GRIA2: variants seen among roughly 807,000 people sequenced by gnomAD.
GRIA2 encodes glutamate receptor 2.
In GRIA2, 14 loss-of-function variants were observed where a neutral mutation model predicts 97.3. The ratio of observed to expected loss-of-function variants is 0.14; its 90% CI spans 0.10 to 0.23. GRIA2 has a LOEUF of 0.23. Among genes scored for constraint, GRIA2 ranks in the 10% least tolerant of loss-of-function variants. The pLI is 1.00. For missense variants in GRIA2, 558 were observed against 1,069.8 expected, an observed-to-expected ratio of 0.52 and a Z score of 6.67; for synonymous variants, 412 against 387.8, an observed-to-expected ratio of 1.06 and a Z score of -0.73.
At chr4:157,335,475 A>G in intron 9 of GRIA2, 196 bp from the exon 10 acceptor site, 1 of 574,510 alleles carries the variant, frequency 1.7e-6, no homozygotes, top group Non-Finnish European at 3.1e-6. Flanking sequence ...TTAATGAATT[A>G]TAGTGATAGA....
intron 2 of GRIA2, among the ~76,000 whole-genome samples, chr4:157,284,711 T>C (rs1006634440): frequency 6.6e-6 from 1 of 151,704 alleles, no homozygotes; most frequent in Non-Finnish European, 1.5e-5. Context: ...TGCAAGCAGA[T>C]TGACTATCTT....
chr4:157,364,147 G>T lies in GRIA2; in HGVS notation c.*716G>T, dbSNP rs1382096484. The T allele has an allele frequency of 6.6e-6, 1 of 152,378 alleles. No homozygotes were observed. Among genetic ancestry groups the T allele is most frequent in the East Asian group, 1.9e-4 (1 of 5,180 alleles). The allele number at this position is 152,378 out of a possible 1,614,324, so 9.4% of individuals were successfully genotyped here. On this transcript the variant is annotated 3_prime_UTR_variant, in exon 16 of 16. Transcript: ENST00000264426. ...GCCAAATATGTAAATGCTAAGGAAAGTAAACAAAGAGGAGATTCCAATCTT... is the reference window on the plus strand; with the variant it reads ...GCCAAATATGTAAATGCTAAGGAAATTAAACAAAGAGGAGATTCCAATCTT...
chr4:157,332,942 G>A lies in GRIA2; in HGVS notation c.1006G>A (p.Val336Met), dbSNP rs1436632046. The A allele has an allele frequency of 6.2e-7, 1 of 1,612,248 alleles. No homozygotes were observed. Among genetic ancestry groups the A allele is most frequent in the Admixed American group, 1.7e-5 (1 of 59,788 alleles). ...AGGAGACTGTCTGGCAAACCCAGCA[G>A]TGCCCTGGGGACAAGGTGTAGAAAT... Reference protein sequence around the residue: ...NAGDCLANPAVPWGQGVEIER... With the variant: ...NAGDCLANPAMPWGQGVEIER... The change falls in exon 7 of 16, where the codon GTG becomes ATG. Residue 336 changes from valine (V) to methionine (M), a missense_variant. This residue lies in a region of GRIA2 where 66 missense variants were observed against 118.7 expected (regional missense o/e 0.56). Transcript: ENST00000264426.
chr4:157,221,394 T>A (rs1160354217), intron 1 of GRIA2: 2 of 567,090 alleles, frequency 3.5e-6, no homozygotes, highest in African/African-American at 3.8e-5. Flanking sequence ...TCCAGTTTGC[T>A]CAGATTTTCT....
intron 6 of GRIA2, among the ~76,000 whole-genome samples, chr4:157,322,145 A>G (rs144151071): frequency 4.4e-4 from 67 of 152,188 alleles, no homozygotes; most frequent in Non-Finnish European, 7.5e-4. Flanking sequence ...CTAATCTTCA[A>G]AAAGCCAACT....
chr4:157,269,984 A>G (rs1387877995), intron 2 of GRIA2, among the ~76,000 whole-genome samples: 1 of 152,064 alleles, frequency 6.6e-6, no homozygotes, highest in Non-Finnish European at 1.5e-5. Context: ...TTAATAATTC[A>G]TAACTGCCTT....
intron 2 of GRIA2, among the ~76,000 whole-genome samples, chr4:157,275,049 T>C (rs1298415346): frequency 6.6e-6 from 1 of 152,040 alleles, no homozygotes; most frequent in African/African-American, 2.4e-5. Context: ...GACTTTTTAA[T>C]GATTGCCATT....
At chr4:157,341,891 G>C (rs553701701) in intron 12 of GRIA2, among the ~76,000 whole-genome samples, 1 of 152,120 alleles carries the variant, frequency 6.6e-6, no homozygotes, top group African/African-American at 2.4e-5. Context: ...TGAGGAAACA[G>C]ACTATGTTCA....
At chr4:157,351,946 C>T (rs1197445776) in intron 12 of GRIA2, among the ~76,000 whole-genome samples, 2 of 152,178 alleles carry the variant, frequency 1.3e-5, no homozygotes, top group African/African-American at 4.8e-5. Flanking sequence ...TTGTCCAGTT[C>T]TTTGTAACAG....
At chr4:157,244,272 A>T (rs901551154) in intron 2 of GRIA2, among the ~76,000 whole-genome samples, 5 of 152,168 alleles carry the variant, frequency 3.3e-5, no homozygotes, top group African/African-American at 1.2e-4. Flanking sequence ...AAAGCTAGAG[A>T]GATCAGCAGG....
intron 2 of GRIA2, among the ~76,000 whole-genome samples, chr4:157,254,321 A>G (rs904924871): frequency 1.3e-5 from 2 of 152,146 alleles, no homozygotes; most frequent in Non-Finnish European, 2.9e-5. Context: ...GTTAAAGGAT[A>G]TAACACAAAG....
intron 2 of GRIA2, among the ~76,000 whole-genome samples, chr4:157,256,933 G>T (rs889589422): frequency 1.3e-5 from 2 of 151,920 alleles, no homozygotes; most frequent in Non-Finnish European, 2.9e-5. Flanking sequence ...ACCATCATCT[G>T]TAAAATAGGA....
At chr4:157,354,150 C>T (rs1158634264) in intron 12 of GRIA2, among the ~76,000 whole-genome samples, 6 of 148,038 alleles carry the variant, frequency 4.1e-5, no homozygotes, top group African/African-American at 7.3e-5. Flanking sequence ...AAAGGAATGT[C>T]GAGAGAAATA....
chr4:157,256,208 ATGT>A (rs1731246642), intron 2 of GRIA2, among the ~76,000 whole-genome samples: 1 of 124,086 alleles, frequency 8.1e-6, no homozygotes, highest in Non-Finnish European at 1.6e-5. Flanking sequence ...TTACATATAT[ATGT>A]TATATATAAT....
At chr4:157,222,705 C>T (rs1302208195) in intron 2 of GRIA2, among the ~76,000 whole-genome samples, 1 of 152,224 alleles carries the variant, frequency 6.6e-6, no homozygotes, top group Non-Finnish European at 1.5e-5. Flanking sequence ...GCTGATCAGC[C>T]ATTTTAGTCT....
At position 157,332,950 on chromosome 4, in the gene GRIA2, G is replaced by C; in HGVS notation, c.1014G>C (p.Trp338Cys). 6.2e-7 allele frequency: 1 copy of C among 1,611,568 alleles called. No homozygotes were observed. Among genetic ancestry groups the C allele is most frequent in the Non-Finnish European group, 8.5e-7 (1 of 1,178,674 alleles). ...GTCTGGCAAACCCAGCAGTGCCCTG[G>C]GGACAAGGTGTAGAAATAGAAAGGG... ...GDCLANPAVP[W>C]GQGVEIERAL... Residue 338 changes from tryptophan (W) to cysteine (C), a missense_variant, in exon 7 of 16, where the codon TGG becomes TGC. Trp to Cys is a radical substitution (Grantham distance 215). This residue lies in a region of GRIA2 where 66 missense variants were observed against 118.7 expected (regional missense o/e 0.56). Coordinates refer to ENST00000264426, the MANE Select transcript of GRIA2 (RefSeq NM_001083619.3).
chr4:157,279,841 T>C (rs2126811320), intron 2 of GRIA2, among the ~76,000 whole-genome samples: 1 of 152,228 alleles, frequency 6.6e-6, no homozygotes, highest in African/African-American at 2.4e-5. Flanking sequence ...AACATATGAC[T>C]CGCCTGGGCG....
chr4:157,243,900 T>C (rs1730614858), intron 2 of GRIA2, among the ~76,000 whole-genome samples: 1 of 151,494 alleles, frequency 6.6e-6, no homozygotes, highest in African/African-American at 2.4e-5. Context: ...GAGCCTATGT[T>C]AGAATGGGTG....
At chr4:157,293,173 G>A (rs1270753433) in intron 2 of GRIA2, among the ~76,000 whole-genome samples, 2 of 152,092 alleles carry the variant, frequency 1.3e-5, no homozygotes, top group East Asian at 3.9e-4. Context: ...CCCAGCATAA[G>A]ATTTGACCAA....
Sources: gnomAD v4.1 joint callset for allele counts (sites outside exome capture counted in the v4.1 genomes callset) on GRCh38, gnomAD v4.1.1 for gene constraint, gnomAD v4.1.1 regional missense constraint, MANE v1.5 for transcripts, NCBI Gene and HGNC (gene_info 2026-07-23, HGNC 2026-07-21) for gene names.